Variants in HDHD2 observed in about 807,000 individuals in gnomAD.
HDHD2 encodes haloacid dehalogenase-like hydrolase domain-containing protein 2.
HDHD2 carries 26 observed loss-of-function variants against 24.8 expected under a neutral mutation model. The observed-to-expected ratio is 1.05, with a 90% CI of 0.77 to 1.45. The LOEUF (loss-of-function observed/expected upper bound fraction) is 1.45, where lower values mean the gene tolerates loss of function less well. Ranked by LOEUF, HDHD2 falls within the 40% of genes most tolerant of loss-of-function variation. The pLI, the probability that HDHD2 is intolerant of heterozygous loss-of-function variation, is 0.00. For missense variants in HDHD2, 299 were observed against 313.4 expected, an observed-to-expected ratio of 0.95 and a Z score of 0.35; for synonymous variants, 128 against 114.9, an observed-to-expected ratio of 1.11 and a Z score of -0.73.
In HDHD2 at chr18:47,113,159, T is replaced by C. The variant is rs989536403; in HGVS notation, c.613-119A>G. 3 of 802,950 alleles carry C rather than the reference T, an allele frequency of 3.7e-6. No individual in the cohort carries two copies. In the African/African-American group the frequency reaches 5.2e-5, roughly 14 times the overall value. 49.7% of individuals were successfully genotyped at this position (802,950 alleles called of 1,614,324 possible). On this transcript the variant is annotated intron_variant, in intron 5 of 6. Transcript: ENST00000300605. ...TGTAATGCCATGTTTTTTATTGAAA[T>C]AGAAAAGAGAAGATGTAAAAGGTGA...
chr18:47,116,490 T>C (rs2063558839), intron 4 of HDHD2, among the ~76,000 whole-genome samples: 1 of 152,222 alleles, frequency 6.6e-6, no homozygotes, highest in African/African-American at 2.4e-5. Flanking sequence ...ACATTTATGA[T>C]TAAATATTTT....
At chr18:47,135,541 G>A (rs543050163) in intron 2 of HDHD2, among the ~76,000 whole-genome samples, 132 of 152,232 alleles carry the variant, frequency 8.7e-4, no homozygotes, top group Non-Finnish European at 1.5e-3. Context: ...GATTACAGGC[G>A]TGAGCCACCG....
intron 4 of HDHD2, among the ~76,000 whole-genome samples, chr18:47,123,380 G>A (rs1187539775): frequency 6.6e-6 from 1 of 152,166 alleles, no homozygotes; most frequent in Non-Finnish European, 1.5e-5. Context: ...CTGAGGTCAA[G>A]AGTTTGAGAC....
intron 1 of HDHD2, among the ~76,000 whole-genome samples, chr18:47,139,373 G>A (rs982984300): frequency 6.7e-6 from 1 of 148,862 alleles, no homozygotes; most frequent in African/African-American, 2.5e-5. Flanking sequence ...GCTGAGGCAG[G>A]AGAATGGTGT....
chr18:47,129,764 G>A (rs182544663), intron 4 of HDHD2, among the ~76,000 whole-genome samples: 13 of 152,254 alleles, frequency 8.5e-5, no homozygotes, highest in African/African-American at 3.1e-4. Context: ...GAGAATCATA[G>A]GAGTAATAAT....
Position 47,113,598 on chromosome 18 carries a change from T to A in HDHD2, c.613-558A>T, listed in dbSNP as rs530574342. Among the ~76,000 whole-genome samples, 8 of 152,338 alleles carry A rather than the reference T, an allele frequency of 5.3e-5. No individual in the cohort carries two copies. In the East Asian group the frequency reaches 1.5e-3, roughly 29 times the overall value. ...AGTCTGAAAAAGAAGCTCCTCTTTC[T>A]AATTATTATTCAAGATAAGGATAAA... On this transcript the variant is annotated intron_variant, in intron 5 of 6. Transcript: ENST00000300605.
intron 1 of HDHD2, chr18:47,137,162 G>T: frequency 1.4e-6 from 1 of 716,354 alleles, no homozygotes; most frequent in South Asian, 1.4e-5. Flanking sequence ...AGACTATTGT[G>T]AATGACAGGG....
chr18:47,135,230 C>T (rs1466810829), intron 2 of HDHD2, among the ~76,000 whole-genome samples: 5 of 151,028 alleles, frequency 3.3e-5, no homozygotes, highest in African/African-American at 9.7e-5. Flanking sequence ...TAATACCTGG[C>T]ACTGTGATAT....
intron 4 of HDHD2, among the ~76,000 whole-genome samples, chr18:47,118,638 C>G (rs966356830): frequency 2.6e-5 from 4 of 152,130 alleles, no homozygotes; most frequent in African/African-American, 9.7e-5. Flanking sequence ...GGGCTTAATA[C>G]CTAGGTGATG....
intron 1 of HDHD2, among the ~76,000 whole-genome samples, chr18:47,142,842 C>T (rs1192995233): frequency 6.6e-6 from 1 of 152,134 alleles, no homozygotes; most frequent in East Asian, 1.9e-4. Flanking sequence ...ATTACCTTCT[C>T]TTGAGAATGA....
intron 4 of HDHD2, among the ~76,000 whole-genome samples, chr18:47,115,802 C>T (rs2063553983): frequency 6.6e-6 from 1 of 152,148 alleles, no homozygotes; most frequent in Non-Finnish European, 1.5e-5. Flanking sequence ...CCTGTTTCCT[C>T]TACTCCAAAA....
chr18:47,145,364 T>C (rs1836817473), intron 1 of HDHD2, among the ~76,000 whole-genome samples: 1 of 152,158 alleles, frequency 6.6e-6, no homozygotes, highest in Admixed American at 6.5e-5. Flanking sequence ...TTACCTAATA[T>C]CCAGACTTAC....
In HDHD2 at chr18:47,123,955, T is replaced by G. The variant is rs189063035; in HGVS notation, c.395+6289A>C. 9.8e-5 allele frequency among the ~76,000 whole-genome samples: 15 copies of G among 152,296 alleles called. No homozygotes were observed. In the East Asian group the frequency reaches 2.5e-3, roughly 25 times the overall value. The stretch of plus-strand genomic sequence containing the variant: ...TTGGAGGATGTACACTACCAGATAT[T>G]TAGGCTTATTATGAAGCTACAATAA... On this transcript the variant is annotated intron_variant, in intron 4 of 6. Coordinates refer to ENST00000300605, the MANE Select transcript of HDHD2 (RefSeq NM_032124.5).
At chr18:47,137,232 T>C (rs2144363807) in intron 1 of HDHD2, 1 of 608,770 alleles carries the variant, frequency 1.6e-6, no homozygotes, top group Admixed American at 1.9e-5. Flanking sequence ...GAAACAGACA[T>C]ACCTGCACAT....
intron 4 of HDHD2, among the ~76,000 whole-genome samples, chr18:47,119,516 G>T (rs114267755): frequency 6.6e-6 from 1 of 152,142 alleles, no homozygotes. Context: ...AGATCGCAGC[G>T]ATTCAGTAAC....
intron 1 of HDHD2, among the ~76,000 whole-genome samples, chr18:47,137,973 C>T (rs1002548569): frequency 1.3e-5 from 2 of 151,436 alleles, no homozygotes; most frequent in South Asian, 2.1e-4. Flanking sequence ...TCGAGACCAG[C>T]GTGGTAAAAC....
intron 3 of HDHD2, among the ~76,000 whole-genome samples, chr18:47,132,663 T>C (rs2063724254): frequency 1.3e-5 from 2 of 152,234 alleles, no homozygotes; most frequent in African/African-American, 4.8e-5. Flanking sequence ...AGTTTTGAGG[T>C]CTGCCCAACT....
intron 2 of HDHD2, 63 bp downstream of exon 2, chr18:47,136,276 A>G (rs534124330): frequency 6.3e-7 from 1 of 1,598,640 alleles, no homozygotes; most frequent in East Asian, 2.2e-5. Context: ...TTAGCTAATG[A>G]TCTGCCGTGG....
intron 1 of HDHD2, among the ~76,000 whole-genome samples, chr18:47,144,593 C>G (rs1220785150): frequency 1.3e-5 from 2 of 151,908 alleles, no homozygotes; most frequent in Non-Finnish European, 2.9e-5. Flanking sequence ...TATAAACCCT[C>G]CCTCAAAATA....
Sources: allele counts gnomAD v4.1 joint callset (sites outside exome capture counted in the v4.1 genomes callset), GRCh38; gene constraint gnomAD v4.1.1; transcripts MANE v1.5; gene names NCBI Gene and HGNC (gene_info 2026-07-23, HGNC 2026-07-21).